Variants in CDH13 observed in about 807,000 individuals in gnomAD.
CDH13 encodes cadherin-13.
Under a neutral mutation model 63.8 loss-of-function variants are expected in CDH13, and 24 were observed. That is an observed-to-expected ratio of 0.38 (90% CI 0.27 to 0.53). The LOEUF (loss-of-function observed/expected upper bound fraction) is 0.53, where lower values mean the gene tolerates loss of function less well. CDH13 is among the 20% of genes least tolerant of loss of function. The pLI, the probability that CDH13 is intolerant of heterozygous loss-of-function variation, is 0.85. For missense variants in CDH13, 1,049 were observed against 903.1 expected, an observed-to-expected ratio of 1.16 and a Z score of -2.07; for synonymous variants, 503 against 355.3, an observed-to-expected ratio of 1.42 and a Z score of -4.67.
intron 2 of CDH13, among the ~76,000 whole-genome samples, chr16:82,923,506 G>T (rs2042218643): frequency 6.6e-6 from 1 of 152,202 alleles, no homozygotes; most frequent in Non-Finnish European, 1.5e-5. Flanking sequence ...AACTCTTAGG[G>T]AGGTCACAGA....
chr16:83,543,897 T>C (rs987004686), intron 7 of CDH13, among the ~76,000 whole-genome samples: 1 of 152,190 alleles, frequency 6.6e-6, no homozygotes, highest in Admixed American at 6.5e-5. Context: ...GTTGCCTCAA[T>C]GGGCAAGACC....
chr16:82,743,949 A>T (rs2034047706), intron 1 of CDH13, among the ~76,000 whole-genome samples: 1 of 152,244 alleles, frequency 6.6e-6, no homozygotes, highest in East Asian at 1.9e-4. Flanking sequence ...GGCATGTATT[A>T]GGCACCTACT....
intron 5 of CDH13, among the ~76,000 whole-genome samples, chr16:83,242,257 G>A (rs1567532973): frequency 6.6e-6 from 1 of 152,178 alleles, no homozygotes; most frequent in East Asian, 1.9e-4. Context: ...AAAACAGGAA[G>A]TACGAGGACT....
At chr16:83,080,219 T>A (rs2033139904) in intron 3 of CDH13, among the ~76,000 whole-genome samples, 1 of 152,042 alleles carries the variant, frequency 6.6e-6, no homozygotes, top group Non-Finnish European at 1.5e-5. Flanking sequence ...ATTCTTCAGT[T>A]GGAGGTGGTT....
At chr16:83,205,116 G>A (rs576776132) in intron 4 of CDH13, among the ~76,000 whole-genome samples, 2 of 152,280 alleles carry the variant, frequency 1.3e-5, no homozygotes, top group South Asian at 4.2e-4. Flanking sequence ...AGAGATGGGA[G>A]GTACAGGAGA....
At chr16:82,956,239 T>C (rs1278864896) in intron 2 of CDH13, among the ~76,000 whole-genome samples, 1 of 152,144 alleles carries the variant, frequency 6.6e-6, no homozygotes, top group African/African-American at 2.4e-5. Context: ...CAGGTCTTCA[T>C]CATTTAACCT....
At chr16:82,712,315 A>C (rs1277269882) in intron 1 of CDH13, among the ~76,000 whole-genome samples, 1 of 152,154 alleles carries the variant, frequency 6.6e-6, no homozygotes, top group East Asian at 1.9e-4. Context: ...TTATTCTGTC[A>C]CTTTGAAGCA....
chr16:82,765,915 G>T (rs1363026480), intron 1 of CDH13, among the ~76,000 whole-genome samples: 1 of 152,190 alleles, frequency 6.6e-6, no homozygotes, highest in Non-Finnish European at 1.5e-5. Flanking sequence ...AGTCTCACAG[G>T]AGTTAAATCA....
intron 7 of CDH13, among the ~76,000 whole-genome samples, chr16:83,510,202 T>A (rs549583376): frequency 6.6e-6 from 1 of 152,346 alleles, no homozygotes; most frequent in African/African-American, 2.4e-5. Context: ...TTCGAGTGGA[T>A]AAAGTGAAGA....
intron 10 of CDH13, among the ~76,000 whole-genome samples, chr16:83,711,916 A>T (rs1181819976): frequency 2.0e-5 from 3 of 152,170 alleles, no homozygotes; most frequent in Non-Finnish European, 4.4e-5. Flanking sequence ...CAGAAATTTA[A>T]TTTCTTACAA....
At chr16:82,870,976 G>C (rs1202620315) in intron 2 of CDH13, among the ~76,000 whole-genome samples, 1 of 152,138 alleles carries the variant, frequency 6.6e-6, no homozygotes, top group African/African-American at 2.4e-5. Flanking sequence ...TCCCACATGG[G>C]CATCTAAATT....
chr16:83,663,176 G>A (rs1418803202), intron 8 of CDH13, among the ~76,000 whole-genome samples: 6 of 152,128 alleles, frequency 3.9e-5, no homozygotes, highest in East Asian at 1.9e-4. Flanking sequence ...TTACCCCGGA[G>A]TCAGGTAATC....
intron 2 of CDH13, among the ~76,000 whole-genome samples, chr16:82,878,571 A>G (rs1377343834): frequency 7.1e-6 from 1 of 140,374 alleles, no homozygotes; most frequent in African/African-American, 2.6e-5. Context: ...TTATTCCAGA[A>G]CCCCTTCTGT....
At chr16:82,855,718 C>G (rs79260384) in intron 1 of CDH13, among the ~76,000 whole-genome samples, 48 of 152,290 alleles carry the variant, frequency 3.2e-4, no homozygotes, top group Non-Finnish European at 5.0e-4. Flanking sequence ...CCACAGCGTT[C>G]TTTTCACTTT....
chr16:83,672,106 C>T (rs1441999060), intron 9 of CDH13, among the ~76,000 whole-genome samples: 2 of 152,186 alleles, frequency 1.3e-5, no homozygotes, highest in Admixed American at 6.5e-5. Flanking sequence ...TCCCTGTGTG[C>T]CCTTGGCCAA....
At chr16:83,688,837 G>C (rs767729589) in intron 10 of CDH13, among the ~76,000 whole-genome samples, 2 of 152,070 alleles carry the variant, frequency 1.3e-5, no homozygotes, top group Non-Finnish European at 2.9e-5. Flanking sequence ...GTTTTTAGTG[G>C]TCAGATGTTC....
intron 8 of CDH13, among the ~76,000 whole-genome samples, chr16:83,660,551 C>T (rs11860019): frequency 0.072 from 10,905 of 152,198 alleles, 440 homozygotes; most frequent in African/African-American, 0.093. Flanking sequence ...CTGTGTGGCC[C>T]GGTTACTAAC....
intron 8 of CDH13, among the ~76,000 whole-genome samples, chr16:83,621,839 A>T (rs767740154): frequency 7.9e-5 from 12 of 151,978 alleles, no homozygotes; most frequent in Non-Finnish European, 1.6e-4. Context: ...CAAGGCCTGG[A>T]TATAACTACA....
At chr16:82,909,469 C>T (rs207476219) in intron 2 of CDH13, among the ~76,000 whole-genome samples, 3 of 151,478 alleles carry the variant, frequency 2.0e-5, no homozygotes, top group East Asian at 1.9e-4. Flanking sequence ...TTGTATTAGT[C>T]TGTTCTCATG....
Sources: gnomAD v4.1 joint callset for allele counts (sites outside exome capture counted in the v4.1 genomes callset) on GRCh38, gnomAD v4.1.1 for gene constraint, MANE v1.5 for transcripts, NCBI Gene and HGNC (gene_info 2026-07-23, HGNC 2026-07-21) for gene names.